GPC6: variants seen among roughly 807,000 people sequenced by gnomAD.
GPC6 encodes the protein glypican 6, also known as glypican-6.
In GPC6, 14 loss-of-function variants were observed where a neutral mutation model predicts 55.2. The observed-to-expected ratio is 0.25, with a 90% CI of 0.17 to 0.40. The LOEUF (loss-of-function observed/expected upper bound fraction) is 0.40. Ranked by LOEUF, GPC6 falls within the 10% of genes least tolerant of loss-of-function variation. GPC6 has a pLI of 1.00. For missense variants in GPC6, 641 were observed against 708.5 expected (o/e 0.90, Z 1.08); for synonymous variants, 278 against 259.6 (o/e 1.07, Z -0.68).
intron 3 of GPC6, among the ~76,000 whole-genome samples, chr13:93,872,268 A>T (rs571538991): frequency 5.3e-5 from 8 of 152,054 alleles, no homozygotes; most frequent in African/African-American, 1.9e-4. Context: ...AAACACCCAA[A>T]TGGATTTTTC....
intron 4 of GPC6, among the ~76,000 whole-genome samples, chr13:94,120,322 C>T (rs1200496329): frequency 6.6e-6 from 1 of 152,036 alleles, no homozygotes; most frequent in African/African-American, 2.4e-5. Flanking sequence ...TAGGATTCAG[C>T]AGAAAACATT....
At chr13:94,160,107 TA>T (rs1343161554) in intron 4 of GPC6, among the ~76,000 whole-genome samples, 1 of 152,214 alleles carries the variant, frequency 6.6e-6, no homozygotes, top group Non-Finnish European at 1.5e-5. Context: ...TACGATAAGA[TA>T]TTTTGAGAGA....
At chr13:94,054,669 T>A (rs1396176443) in intron 4 of GPC6, among the ~76,000 whole-genome samples, 1 of 152,050 alleles carries the variant, frequency 6.6e-6, no homozygotes, top group African/African-American at 2.4e-5. Context: ...GAAAAGAGAG[T>A]TCAGAAGAGG....
chr13:93,257,991 A>G (rs1281461565), intron 1 of GPC6, among the ~76,000 whole-genome samples: 1 of 152,190 alleles, frequency 6.6e-6, no homozygotes, highest in African/African-American at 2.4e-5. Context: ...AGTAAGATCA[A>G]GTGATAGCTT....
chr13:93,710,303 A>G (rs901254817), intron 2 of GPC6, among the ~76,000 whole-genome samples: 1 of 151,872 alleles, frequency 6.6e-6, no homozygotes, highest in African/African-American at 2.4e-5. Context: ...TAGTATGCAT[A>G]TCTGTCATTT....
chr13:94,221,482 A>G (rs781337152), intron 4 of GPC6, among the ~76,000 whole-genome samples: 3 of 152,142 alleles, frequency 2.0e-5, no homozygotes, highest in Non-Finnish European at 4.4e-5. Flanking sequence ...AAATCACTGT[A>G]AAATGCTTAG....
At chr13:93,291,256 G>T (rs1053502802) in intron 1 of GPC6, among the ~76,000 whole-genome samples, 1 of 152,104 alleles carries the variant, frequency 6.6e-6, no homozygotes, top group South Asian at 2.1e-4. Flanking sequence ...CCATAAGTTT[G>T]TTATTTTTGC....
intron 2 of GPC6, among the ~76,000 whole-genome samples, chr13:93,696,289 G>T (rs1882449309): frequency 6.6e-6 from 1 of 151,988 alleles, no homozygotes; most frequent in Non-Finnish European, 1.5e-5. Context: ...CACAAACTTT[G>T]AATATTTAGA....
At chr13:93,308,051 G>A (rs573523782) in intron 1 of GPC6, among the ~76,000 whole-genome samples, 35 of 152,262 alleles carry the variant, frequency 2.3e-4, no homozygotes, top group Admixed American at 3.9e-4. Flanking sequence ...TTGGGAGGCC[G>A]AGGTGGGCGG....
chr13:93,487,976 CT>C (rs950405140), intron 1 of GPC6, among the ~76,000 whole-genome samples: 6 of 151,994 alleles, frequency 3.9e-5, no homozygotes, highest in African/African-American at 7.2e-5. Context: ...CATATACACA[CT>C]TTTTTATTAT....
At chr13:93,217,436 T>C in the GPC6 span, among the ~76,000 whole-genome samples, 2 of 152,254 alleles carry the variant, frequency 1.3e-5, no homozygotes, top group Non-Finnish European at 2.9e-5. Context: ...CAGAGAATCA[T>C]GATCACTATG....
chr13:93,389,738 G>A (rs577817336), intron 1 of GPC6, among the ~76,000 whole-genome samples: 62 of 151,856 alleles, frequency 4.1e-4, no homozygotes, highest in African/African-American at 1.5e-3. Context: ...AGGGAAATCA[G>A]CATGGAATCA....
chr13:93,553,972 TA>T (rs35301097), intron 2 of GPC6, among the ~76,000 whole-genome samples: 45,036 of 133,914 alleles, frequency 0.34, 7,892 homozygotes, highest in East Asian at 0.61. Flanking sequence ...CCGTCTCTAC[TA>T]AAAAAAAAAA....
At chr13:94,048,799 G>A (rs1398038450) in intron 4 of GPC6, among the ~76,000 whole-genome samples, 5 of 151,970 alleles carry the variant, frequency 3.3e-5, no homozygotes, top group Non-Finnish European at 7.4e-5. Flanking sequence ...CTGCTTTTTT[G>A]TATCACCTTC....
intron 2 of GPC6, among the ~76,000 whole-genome samples, chr13:93,613,821 C>A (rs911729360): frequency 6.6e-6 from 1 of 152,140 alleles, no homozygotes; most frequent in African/African-American, 2.4e-5. Context: ...GTCCCACAAC[C>A]CTGGATGTCA....
chr13:93,615,312 C>T (rs773997439), intron 2 of GPC6, among the ~76,000 whole-genome samples: 21 of 152,104 alleles, frequency 1.4e-4, no homozygotes, highest in Non-Finnish European at 2.6e-4. Context: ...GTCAGTGTCT[C>T]TTCCTGTTAT....
chr13:93,392,343 T>A (rs982009126), intron 1 of GPC6, among the ~76,000 whole-genome samples: 1 of 152,202 alleles, frequency 6.6e-6, no homozygotes, highest in Non-Finnish European at 1.5e-5. Flanking sequence ...GTTTTTTACT[T>A]TATTGAGCTT....
chr13:93,538,908 T>C (rs1484686352), intron 1 of GPC6, among the ~76,000 whole-genome samples: 2 of 151,352 alleles, frequency 1.3e-5, no homozygotes, highest in Non-Finnish European at 2.9e-5. Context: ...AAAGAGAACA[T>C]GATCATTTAT....
chr13:93,718,006 A>AT (rs1163555497), intron 2 of GPC6, among the ~76,000 whole-genome samples: 3 of 151,814 alleles, frequency 2.0e-5, no homozygotes, highest in African/African-American at 7.3e-5. Context: ...TATCCAGTCT[A>AT]TTACTAATGG....
Sources: allele counts gnomAD v4.1 joint callset (sites outside exome capture counted in the v4.1 genomes callset), GRCh38; gene constraint gnomAD v4.1.1; transcripts MANE v1.5; gene names NCBI Gene and HGNC (gene_info 2026-07-23, HGNC 2026-07-21).